Variants in OR7C1 observed in about 807,000 individuals in gnomAD.
OR7C1 encodes olfactory receptor 7C1.
For missense variants in OR7C1, 324 were observed against 383.3 expected (o/e 0.85, Z 1.29); for synonymous variants, 152 against 160.7 (o/e 0.95, Z 0.41).
chr19:14,821,457 C>T (rs2044740891), intron 1 of OR7C1: 1 of 152,228 alleles, frequency 6.6e-6, no homozygotes, highest in African/African-American at 2.4e-5. Context: ...TTGAGCTCTT[C>T]ATTCAGGCTG....
At chr19:14,814,406 T>A (rs1456566458) in intron 1 of OR7C1, among the ~76,000 whole-genome samples, 1 of 151,538 alleles carries the variant, frequency 6.6e-6, no homozygotes, top group Non-Finnish European at 1.5e-5. Flanking sequence ...AACAGGAATA[T>A]GGAAAATGCT....
intron 1 of OR7C1, among the ~76,000 whole-genome samples, chr19:14,818,823 T>C (rs997772298): frequency 2.0e-5 from 3 of 152,182 alleles, no homozygotes; most frequent in African/African-American, 7.2e-5. Context: ...TTTTAGATAG[T>C]TTAGAGAGTT....
chr19:14,802,858 G>T (rs374990403), intron 2 of OR7C1, among the ~76,000 whole-genome samples: 2 of 152,156 alleles, frequency 1.3e-5, no homozygotes, highest in Non-Finnish European at 2.9e-5. Context: ...AATTGAGTAC[G>T]CAGACACCCA....
chr19:14,823,905 C>CTTTT (rs200113587), intron 1 of OR7C1, among the ~76,000 whole-genome samples: 141 of 140,004 alleles, frequency 1.0e-3, no homozygotes, highest in African/African-American at 3.4e-3. Context: ...CACTATTGTG[C>CTTTT]TTTTTTTTTT....
At chr19:14,801,196 T>C (rs1030145864) in intron 2 of OR7C1, among the ~76,000 whole-genome samples, 4 of 152,178 alleles carry the variant, frequency 2.6e-5, no homozygotes, top group Non-Finnish European at 5.9e-5. Flanking sequence ...CATTCCTCAT[T>C]ACCTAATATG....
At chr19:14,818,876 A>G (rs376000675) in intron 1 of OR7C1, among the ~76,000 whole-genome samples, 1 of 152,132 alleles carries the variant, frequency 6.6e-6, no homozygotes, top group Non-Finnish European at 1.5e-5. Flanking sequence ...ATCACCTTTT[A>G]TATGTATTTC....
At chr19:14,808,519 CAG>C (rs1439588512) in intron 2 of OR7C1, among the ~76,000 whole-genome samples, 1 of 149,550 alleles carries the variant, frequency 6.7e-6, no homozygotes, top group Non-Finnish European at 1.5e-5. Context: ...AACTTGGAAA[CAG>C]AAAATCAAAT....
intron 2 of OR7C1, among the ~76,000 whole-genome samples, chr19:14,802,380 CG>C (rs1208717414): frequency 6.6e-6 from 1 of 152,126 alleles, no homozygotes; most frequent in Non-Finnish European, 1.5e-5. Flanking sequence ...ATGAGCTGGG[CG>C]TGGTGGCACA....
At chr19:14,833,774 TA>T (rs2044857093) in intron 1 of OR7C1, among the ~76,000 whole-genome samples, 1 of 151,724 alleles carries the variant, frequency 6.6e-6, no homozygotes, top group South Asian at 2.1e-4. Context: ...TCAAAGTCAG[TA>T]ATATTTTAAG....
intron 1 of OR7C1, among the ~76,000 whole-genome samples, chr19:14,831,769 G>T (rs2044835830): frequency 6.6e-6 from 1 of 151,616 alleles, no homozygotes; most frequent in Non-Finnish European, 1.5e-5. Context: ...TGCTACTTGT[G>T]GACTTTGAAT....
chr19:14,827,923 A>C (rs2044788452), intron 1 of OR7C1: 1 of 1,614,110 alleles, frequency 6.2e-7, no homozygotes, highest in Non-Finnish European at 8.5e-7. Flanking sequence ...AATCCAGCAA[A>C]GAGTATGAAA....
chr19:14,828,780 AAAAAAAAG>A lies in OR7C1; in HGVS notation c.-623+6286_-623+6293del, dbSNP rs1489401120. On this transcript the variant is annotated intron_variant, in intron 1 of 4. Transcript: ENST00000641666. ...TCTCAAAAAAAAAAAAAAAAAAAAA[AAAAAAAAG>A]AATGAGAACTTCTTCTATGAATTTG... is the stretch of plus-strand genomic sequence containing the variant. Among the ~76,000 whole-genome samples the A allele has an allele frequency of 6.5e-4, 97 of 149,820 alleles. 2 individuals carry two copies. In the South Asian group the frequency reaches 0.02, roughly 30 times the overall value.
intron 2 of OR7C1, among the ~76,000 whole-genome samples, chr19:14,805,797 C>T (rs2044663874): frequency 6.6e-6 from 1 of 151,876 alleles, no homozygotes; most frequent in African/African-American, 2.4e-5. Flanking sequence ...CACATGTGAC[C>T]ATCCATTAGG....
At chr19:14,813,976 G>A (rs2044704624) in intron 1 of OR7C1, among the ~76,000 whole-genome samples, 1 of 152,096 alleles carries the variant, frequency 6.6e-6, no homozygotes, top group Non-Finnish European at 1.5e-5. Context: ...ATATCCACAT[G>A]TGTAAGAATG....
chr19:14,801,308 TAA>T (rs2044640846), intron 2 of OR7C1, among the ~76,000 whole-genome samples: 1 of 152,224 alleles, frequency 6.6e-6, no homozygotes, highest in Non-Finnish European at 1.5e-5. Flanking sequence ...CCTTTGTTTA[TAA>T]AGCCAATGTT....
At chr19:14,814,325 CAATAGCAATAAAACATATATCCT>C (rs2044706383) in intron 1 of OR7C1, among the ~76,000 whole-genome samples, 1 of 151,998 alleles carries the variant, frequency 6.6e-6, no homozygotes, top group Non-Finnish European at 1.5e-5. Context: ...CCAAACAGCT[CAATAGCAATAAAACATATATCCT>C]GATATTAAAA....
chr19:14,808,656 T>C (rs758281647), intron 2 of OR7C1, among the ~76,000 whole-genome samples: 1 of 151,930 alleles, frequency 6.6e-6, no homozygotes, highest in Non-Finnish European at 1.5e-5. Flanking sequence ...TTTGAGAAAT[T>C]ACCTATTGGG....
intron 2 of OR7C1, among the ~76,000 whole-genome samples, chr19:14,805,676 A>G (rs1254331098): frequency 1.3e-5 from 2 of 151,932 alleles, no homozygotes; most frequent in Non-Finnish European, 2.9e-5. Flanking sequence ...CGGCCTCCCA[A>G]AGTGCTGGGA....
intron 1 of OR7C1, among the ~76,000 whole-genome samples, chr19:14,834,358 T>A (rs1859949): frequency 5.3e-5 from 8 of 151,980 alleles, no homozygotes; most frequent in East Asian, 1.9e-4. Context: ...TTTCTCAATC[T>A]CAGCACTATT....
Sources: gnomAD v4.1 joint callset for allele counts (sites outside exome capture counted in the v4.1 genomes callset) on GRCh38, gnomAD v4.1.1 for gene constraint, MANE v1.5 for transcripts, NCBI Gene and HGNC (gene_info 2026-07-23, HGNC 2026-07-21) for gene names.